The following ADCY2 variants were observed in gnomAD, a reference collection of about 807,000 sequenced individuals.
ADCY2 encodes adenylate cyclase 2.
In ADCY2, 31 loss-of-function variants were observed where a neutral mutation model predicts 125.2. The observed-to-expected ratio is 0.25, with a 90% CI of 0.19 to 0.33. ADCY2 has a LOEUF of 0.33. Ranked by LOEUF, ADCY2 falls within the 10% of genes least tolerant of loss-of-function variation. The pLI is 1.00. For missense variants in ADCY2, 904 were observed against 1,418.2 expected, an observed-to-expected ratio of 0.64 and a Z score of 5.82; for synonymous variants, 512 against 548.4, an observed-to-expected ratio of 0.93 and a Z score of 0.93.
chr5:7,484,660 T>C (rs531063076), intron 2 of ADCY2, among the ~76,000 whole-genome samples: 4 of 152,294 alleles, frequency 2.6e-5, no homozygotes, highest in African/African-American at 9.6e-5. Context: ...ACTTCTATCC[T>C]CTTTCTTTCT....
intron 2 of ADCY2, among the ~76,000 whole-genome samples, chr5:7,482,916 A>G (rs990396064): frequency 8.6e-5 from 13 of 151,962 alleles, no homozygotes; most frequent in African/African-American, 2.9e-4. Flanking sequence ...AGCCGGGCAC[A>G]GAAAGACGAA....
chr5:7,558,758 G>C (rs779387514), intron 3 of ADCY2, among the ~76,000 whole-genome samples: 6 of 152,102 alleles, frequency 3.9e-5, no homozygotes, highest in Non-Finnish European at 5.9e-5. Flanking sequence ...ATATTTGCCA[G>C]TTTCTATGGC....
At chr5:7,506,818 T>TTTTTTTTG (rs1743835353) in intron 2 of ADCY2, among the ~76,000 whole-genome samples, 1 of 121,854 alleles carries the variant, frequency 8.2e-6, no homozygotes, top group Non-Finnish European at 1.7e-5. Context: ...TTTTTTTTTT[T>TTTTTTTTG]GCTCTGTCAC....
At chr5:7,433,663 A>G (rs965045567) in intron 2 of ADCY2, among the ~76,000 whole-genome samples, 1 of 152,178 alleles carries the variant, frequency 6.6e-6, no homozygotes, top group Non-Finnish European at 1.5e-5. Context: ...AGAAAAAAAA[A>G]TGGAAGATTT....
At chr5:7,818,538 G>T (rs1745194592) in intron 23 of ADCY2, among the ~76,000 whole-genome samples, 1 of 151,976 alleles carries the variant, frequency 6.6e-6, no homozygotes, top group African/African-American at 2.4e-5. Context: ...TGTATTTTTA[G>T]TAGAGACAGG....
At chr5:7,520,164 T>C (rs530129038) in intron 2 of ADCY2, among the ~76,000 whole-genome samples, 7 of 152,240 alleles carry the variant, frequency 4.6e-5, no homozygotes, top group Non-Finnish European at 1.0e-4. Flanking sequence ...ATTGGAAATA[T>C]ACACAGGAGT....
In ADCY2 at chr5:7,829,616, A is replaced by T. The variant is rs1273551728; in HGVS notation, c.*2745A>T. 6.6e-6 allele frequency: 1 copy of T among 152,340 alleles called. No homozygotes were observed. The highest frequency in any genetic ancestry group is 1.5e-5 in the Non-Finnish European group (1 of 68,052). The allele number at this position is 152,340 out of a possible 1,614,324, so 9.4% of individuals were successfully genotyped here. ...TTAAGTCTTACAGGAAGCCTCTCAT[A>T]GAAATTGCCTCCAGTCCAGTTTCCC... On this transcript the variant is annotated 3_prime_UTR_variant, in exon 25 of 25. Transcript: ENST00000338316.
intron 21 of ADCY2, among the ~76,000 whole-genome samples, chr5:7,803,920 T>TATA (rs1561018020): frequency 0.015 from 2,246 of 148,398 alleles, 63 homozygotes; most frequent in African/African-American, 0.053. Flanking sequence ...ATATATATTT[T>TATA]TATATATATG....
At chr5:7,466,787 A>G (rs1419128137) in intron 2 of ADCY2, among the ~76,000 whole-genome samples, 1 of 152,206 alleles carries the variant, frequency 6.6e-6, no homozygotes, top group Non-Finnish European at 1.5e-5. Context: ...ATGAAAAAAA[A>G]TAATAGCAAG....
chr5:7,701,661 C>T (rs2126337728), intron 7 of ADCY2, among the ~76,000 whole-genome samples: 1 of 152,270 alleles, frequency 6.6e-6, no homozygotes, highest in South Asian at 2.1e-4. Flanking sequence ...ATTACCCCTT[C>T]CCCAGCTCCT....
chr5:7,507,269 G>T (rs1173226104), intron 2 of ADCY2, among the ~76,000 whole-genome samples: 1 of 144,884 alleles, frequency 6.9e-6, no homozygotes, highest in African/African-American at 2.6e-5. Context: ...GTGAAACCCC[G>T]TCTCTACTAA....
At chr5:7,805,220 G>T (rs1744720710) in intron 22 of ADCY2, among the ~76,000 whole-genome samples, 1 of 152,024 alleles carries the variant, frequency 6.6e-6, no homozygotes, top group Admixed American at 6.6e-5. Flanking sequence ...TACTCAAGAG[G>T]CTGAGATGGG....
intron 18 of ADCY2, among the ~76,000 whole-genome samples, chr5:7,776,892 G>GAA: frequency 1.3e-5 from 2 of 152,216 alleles, no homozygotes; most frequent in South Asian, 4.2e-4. Flanking sequence ...GTATCTCCAG[G>GAA]GTTCTTAGTA....
intron 2 of ADCY2, among the ~76,000 whole-genome samples, chr5:7,429,939 G>C (rs1475122354): frequency 1.3e-5 from 2 of 151,892 alleles, no homozygotes; most frequent in Non-Finnish European, 2.9e-5. Flanking sequence ...TCTTTGGGAA[G>C]GTTAGTAAAA....
chr5:7,531,760 T>C (rs1734652716), intron 3 of ADCY2, among the ~76,000 whole-genome samples: 2 of 152,204 alleles, frequency 1.3e-5, no homozygotes, highest in African/African-American at 4.8e-5. Flanking sequence ...GGGGCCACTC[T>C]AAATCCAAGA....
Position 7,607,615 on chromosome 5 carries a change from C to T in ADCY2, c.571-18552C>T, listed in dbSNP as rs147266809. Among the ~76,000 whole-genome samples, 110 of 152,280 alleles carry T rather than the reference C, an allele frequency of 7.2e-4. 1 individual carries two copies. Among genetic ancestry groups the T allele is most frequent in the African/African-American group, 2.4e-3 (99 of 41,568 alleles). On this transcript the variant is annotated intron_variant, in intron 3 of 24. Coordinates refer to ENST00000338316, the MANE Select transcript of ADCY2 (RefSeq NM_020546.3). Reference sequence around the variant, plus strand: ...CAATTGCTAACAACAAATCAGAATACGTATTTGCATGACACTTACAATCAA... The same window carrying T: ...CAATTGCTAACAACAAATCAGAATATGTATTTGCATGACACTTACAATCAA...
At chr5:7,825,349 C>A (rs1745443548) in intron 24 of ADCY2, among the ~76,000 whole-genome samples, 1 of 151,570 alleles carries the variant, frequency 6.6e-6, no homozygotes, top group Non-Finnish European at 1.5e-5. Flanking sequence ...TGTGCTGTAA[C>A]AACACTTGTT....
Position 7,573,385 on chromosome 5 carries a change from G to T in ADCY2, c.570+52486G>T, listed in dbSNP as rs146614751. 5.5e-3 allele frequency among the ~76,000 whole-genome samples: 833 copies of T among 152,230 alleles called. 5 individuals carry two copies. Among genetic ancestry groups the T allele is most frequent in the Middle Eastern group, 0.014 (4 of 294 alleles). ...GAGCGAAGGATTGAAGGTGTTTTCC[G>T]TGGAGGGTGACTGGAGTGGGTGTCA... is the stretch of plus-strand genomic sequence containing the variant. On this transcript the variant is annotated intron_variant, in intron 3 of 24. Transcript: ENST00000338316.
intron 2 of ADCY2, among the ~76,000 whole-genome samples, chr5:7,473,613 AGG>A (rs1742418903): frequency 6.6e-6 from 1 of 152,176 alleles, no homozygotes. Flanking sequence ...CCTTTCTCCC[AGG>A]TGTAGTAGAT....
Sources: gnomAD v4.1 joint callset for allele counts (sites outside exome capture counted in the v4.1 genomes callset) on GRCh38, gnomAD v4.1.1 for gene constraint, MANE v1.5 for transcripts, NCBI Gene and HGNC (gene_info 2026-07-23, HGNC 2026-07-21) for gene names.